Variants in INPP5B observed in about 807,000 individuals in gnomAD.
INPP5B encodes the protein type II inositol 1,4,5-trisphosphate 5-phosphatase.
INPP5B carries 90 observed loss-of-function variants against 118.5 expected under a neutral mutation model. The observed-to-expected ratio is 0.76, with a 90% CI of 0.64 to 0.90. The LOEUF (loss-of-function observed/expected upper bound fraction) is 0.90. INPP5B is among the 40% of genes least tolerant of loss of function. The probability of loss-of-function intolerance (pLI) is 0.00; values close to 1 mark genes in which losing one functional copy is unlikely to be tolerated. For synonymous variants in INPP5B, 385 were observed against 418.9 expected, an observed-to-expected ratio of 0.92 and a Z score of 0.99; for missense variants, 984 against 1,125.6, an observed-to-expected ratio of 0.87 and a Z score of 1.80.
At chr1:37,945,729 C>T in intron 3 of INPP5B, 27 bp downstream of exon 3, 1 of 1,568,458 alleles carries the variant, frequency 6.4e-7, no homozygotes, top group Non-Finnish European at 8.8e-7. Flanking sequence ...ATGGCCCAGA[C>T]AGGTGGGGAC....
chr1:37,870,149 T>C (rs889627014), intron 19 of INPP5B: 3 of 152,052 alleles, frequency 2.0e-5, no homozygotes, highest in African/African-American at 7.2e-5. Context: ...TGAGTTTGTC[T>C]TCTTTTTTTT....
In INPP5B at chr1:37,872,943, G is replaced by A. The variant is rs1642552234; in HGVS notation, c.2174C>T (p.Thr725Ile). Residue 725 changes from threonine (T) to isoleucine (I), a missense_variant, in exon 19 of 24, where the codon ACC (threonine) becomes ATC (isoleucine). Transcript: ENST00000373024. ...REPILDLPLE[T>I]ISELTLMPVW... ...CATATTACTCACCAGCTCACTAATG[G>A]TTTCAAGTGGTAGGTCCAAGATTGG... 3 of 1,613,184 alleles carry A rather than the reference G, an allele frequency of 1.9e-6. No homozygotes were observed. Among genetic ancestry groups the A allele is most frequent in the Non-Finnish European group, 2.5e-6 (3 of 1,179,308 alleles).
intron 5 of INPP5B, among the ~76,000 whole-genome samples, chr1:37,943,381 T>C (rs974386832): frequency 5.3e-5 from 8 of 151,908 alleles, no homozygotes; most frequent in African/African-American, 1.7e-4. Flanking sequence ...GGTGAAGAGA[T>C]GTGAGGCTTG....
intron 23 of INPP5B, among the ~76,000 whole-genome samples, chr1:37,863,172 C>A (rs1270878208): frequency 6.6e-6 from 1 of 151,522 alleles, no homozygotes; most frequent in Non-Finnish European, 1.5e-5. Context: ...CACTGGCTCC[C>A]AGCCCTCTCC....
At chr1:37,931,536 C>T (rs915729410) in intron 7 of INPP5B, 4 of 1,536,354 alleles carry the variant, frequency 2.6e-6, no homozygotes, top group Admixed American at 3.9e-5. Context: ...GTGTCCCAGC[C>T]TCCAGAGGGC....
intron 7 of INPP5B, among the ~76,000 whole-genome samples, chr1:37,917,625 A>ATGCAGTTCTTATCAGGAAG: frequency 6.6e-6 from 1 of 151,846 alleles, no homozygotes; most frequent in South Asian, 2.1e-4. Context: ...TGCCCAGCCA[A>ATGCAGTTCTTATCAGGAAG]AAAACTGAAG....
chr1:37,876,552 T>TAAAAAA (rs34854182), intron 16 of INPP5B, among the ~76,000 whole-genome samples: 10 of 54,610 alleles, frequency 1.8e-4, no homozygotes, highest in African/African-American at 4.5e-4. Context: ...GCTGTCTCTT[T>TAAAAAA]AAAAAAAAAA....
rs1010110776 is a variant in INPP5B, at chr1:37,889,499, T to C, written c.797+58A>G. On this transcript the variant is annotated intron_variant, in intron 9 of 23. Coordinates refer to ENST00000373024, the MANE Select transcript of INPP5B (RefSeq NM_005540.3). ...CCAGGTATAGGAGGAAGTGCTCAAA[T>C]TCCAGAGTGCCAAATGATCATTCTG... 6 of 1,398,298 alleles carry C rather than the reference T, an allele frequency of 4.3e-6. No homozygotes were observed. In the African/African-American group the frequency reaches 5.8e-5, roughly 13 times the overall value. The allele number at this position is 1,398,298 out of a possible 1,614,324, so 86.6% of individuals were successfully genotyped here.
intron 2 of INPP5B, 131 bp from the exon 3 acceptor site, chr1:37,945,981 G>T: frequency 1.3e-6 from 1 of 798,854 alleles, no homozygotes; most frequent in Non-Finnish European, 2.0e-6. Context: ...CAAACCATGT[G>T]CTGAACTAAC....
intron 5 of INPP5B, among the ~76,000 whole-genome samples, chr1:37,943,257 C>T (rs1281452548): frequency 6.6e-6 from 1 of 152,038 alleles, no homozygotes; most frequent in Admixed American, 6.5e-5. Flanking sequence ...CCCCAAAGTG[C>T]TGGGATTACA....
chr1:37,873,110 C>G lies in INPP5B; in HGVS notation c.2007G>C (p.Lys669Asn), dbSNP rs760111238. 3.7e-6 allele frequency: 6 copies of G among 1,614,120 alleles called. No individual in the cohort carries two copies. In the Admixed American group the frequency reaches 6.7e-5, roughly 18 times the overall value. ...ELFVNKMTATKLNSGEDKIED... is the reference protein window; with the variant it reads ...ELFVNKMTATNLNSGEDKIED... ...CAATTTTGTCTTCACCCGAGTTGAG[C>G]TTTGTAGCTGTCATCTTATTTACGA... Residue 669 changes from lysine (K) to asparagine (N), a missense_variant, in exon 19 of 24, where the codon AAG (lysine) becomes AAC (asparagine). Around this residue, in one of 2 missense-constraint regions of INPP5B, gnomAD observed 634 missense variants for 791.0 expected, o/e 0.80. Transcript: ENST00000373024.
chr1:37,862,099 T>G lies in INPP5B; in HGVS notation c.*216A>C, dbSNP rs1340212486. ...AATAACTAAAGTTGAAAATTGAATG[T>G]CAGTTTTATTATGGTGGATTTTCTC... On this transcript the variant is annotated 3_prime_UTR_variant, in exon 24 of 24. Transcript: ENST00000373024. 5 of 457,622 alleles carry G rather than the reference T, an allele frequency of 1.1e-5. No homozygotes were observed. The highest frequency in any genetic ancestry group is 1.9e-5 in the Non-Finnish European group (5 of 258,556). 28.3% of individuals were successfully genotyped at this position (457,622 alleles called of 1,614,324 possible). A position where few individuals can be genotyped will look rare whatever the true frequency, so the allele number is the denominator to read the frequency against.
At chr1:37,935,473 G>A (rs993082074) in intron 6 of INPP5B, among the ~76,000 whole-genome samples, 1 of 151,394 alleles carries the variant, frequency 6.6e-6, no homozygotes, top group Non-Finnish European at 1.5e-5. Context: ...GATTACAGGC[G>A]TGAGCCACCT....
intron 17 of INPP5B, 59 bp from the exon 18 acceptor site, chr1:37,874,214 C>G: frequency 7.6e-7 from 1 of 1,318,430 alleles, no homozygotes; most frequent in Admixed American, 2.1e-5. Flanking sequence ...ACCTGCCCAG[C>G]CACCCCAACT....
At chr1:37,931,704 G>T in intron 7 of INPP5B, 1 of 1,540,382 alleles carries the variant, frequency 6.5e-7, no homozygotes, top group South Asian at 1.2e-5. Context: ...AGCCGGCGGC[G>T]GCAGACATTT....
In INPP5B at chr1:37,874,084, G is replaced by C. The variant is rs201669484; in HGVS notation, c.1860C>G (p.Pro620=). 454 of 1,607,148 alleles carry C rather than the reference G, an allele frequency of 2.8e-4. No homozygotes were observed. The highest frequency in any genetic ancestry group is 3.7e-4 in the Non-Finnish European group (434 of 1,174,754). Residue 620 remains proline (P), a synonymous_variant, in exon 18 of 24, where the codon CCC becomes CCG. Transcript: ENST00000373024. ...GCTTGTTGATGAATTCAAAATGACAGGGTACTTGTCCATTATGAATTGTAA... is the reference window on the plus strand; with the variant it reads ...GCTTGTTGATGAATTCAAAATGACACGGTACTTGTCCATTATGAATTGTAA... ...ESFTIHNGQV[P]CHFEFINKPD... is the part of the protein sequence containing the mutation.
chr1:37,900,113 ACT>A (rs1190766623), intron 7 of INPP5B, among the ~76,000 whole-genome samples: 4 of 117,070 alleles, frequency 3.4e-5, no homozygotes, highest in African/African-American at 1.4e-4. Context: ...CGTCTCACTC[ACT>A]CTGTCACCCA....
At chr1:37,889,174 G>A (rs969202593) in intron 9 of INPP5B, among the ~76,000 whole-genome samples, 2 of 152,104 alleles carry the variant, frequency 1.3e-5, no homozygotes, top group African/African-American at 2.4e-5. Context: ...GAGGCTGAGG[G>A]TACAGTGAGC....
chr1:37,928,515 TGCCCAGTTA>T (rs1645328730), intron 7 of INPP5B: 1 of 152,244 alleles, frequency 6.6e-6, no homozygotes, highest in African/African-American at 2.4e-5. Flanking sequence ...CACACTACCA[TGCCCAGTTA>T]ATTTTTTTTG....
Sources: allele counts gnomAD v4.1 joint callset (sites outside exome capture counted in the v4.1 genomes callset), GRCh38; gene constraint gnomAD v4.1.1; regional missense constraint gnomAD v4.1.1; transcripts MANE v1.5; gene names NCBI Gene and HGNC (gene_info 2026-07-23, HGNC 2026-07-21).